Variants in CFAP52 observed in about 807,000 individuals in gnomAD.
CFAP52 encodes the protein cilia and flagella associated protein 52, also known as cilia- and flagella-associated protein 52.
In CFAP52, 57 loss-of-function variants were observed where a neutral mutation model predicts 70.5. That is an observed-to-expected ratio of 0.81 (90% CI 0.65 to 1.01). The LOEUF is 1.01. Among genes scored for constraint, CFAP52 ranks in the 50% least tolerant of loss-of-function variants. CFAP52 has a pLI of 0.00. For synonymous variants in CFAP52, 267 were observed against 292.5 expected, an observed-to-expected ratio of 0.91 and a Z score of 0.89; for missense variants, 785 against 788.5, an observed-to-expected ratio of 1.00 and a Z score of 0.05.
At chr17:9,579,724 C>T (rs756520413) in intron 1 of CFAP52, among the ~76,000 whole-genome samples, 94 of 152,268 alleles carry the variant, frequency 6.2e-4, no homozygotes, top group African/African-American at 6.5e-4. Context: ...TCCACCACCA[C>T]GCCTGGCTAA....
At chr17:9,636,672 G>C (rs926392152) in intron 11 of CFAP52, among the ~76,000 whole-genome samples, 1 of 152,134 alleles carries the variant, frequency 6.6e-6, no homozygotes, top group Non-Finnish European at 1.5e-5. Context: ...GCAAAGATGG[G>C]AGGAAGGAGG....
chr17:9,590,730 A>C (rs765313459), intron 3 of CFAP52, among the ~76,000 whole-genome samples: 3 of 152,198 alleles, frequency 2.0e-5, no homozygotes, highest in Non-Finnish European at 4.4e-5. Flanking sequence ...CAAAACTGTT[A>C]ATCTCTGCTG....
At chr17:9,609,472 A>C (rs776929151) in intron 7 of CFAP52, among the ~76,000 whole-genome samples, 14 of 152,156 alleles carry the variant, frequency 9.2e-5, no homozygotes, top group Non-Finnish European at 1.9e-4. Context: ...AGGCAAGTGG[A>C]TCGCTTGAGC....
At chr17:9,616,132 G>A (rs1400823368) in intron 8 of CFAP52, among the ~76,000 whole-genome samples, 1 of 149,832 alleles carries the variant, frequency 6.7e-6, no homozygotes, top group Non-Finnish European at 1.5e-5. Flanking sequence ...GCGCAGGCCA[G>A]TGTGTGCGCG....
In CFAP52 at chr17:9,576,654, A is replaced by C. The variant is rs1907956600; in HGVS notation, c.-42A>C. On this transcript the variant is annotated 5_prime_UTR_variant, in exon 1 of 14. Transcript: ENST00000352665. ...TACCATAACGACCAGAAGACGCTGCAGCCACTAGGGAGGAGAGCAAAGTAA... is the reference window on the plus strand; with the variant it reads ...TACCATAACGACCAGAAGACGCTGCCGCCACTAGGGAGGAGAGCAAAGTAA... 1.9e-6 allele frequency: 3 copies of C among 1,556,712 alleles called. No individual in the cohort carries two copies. Among genetic ancestry groups the C allele is most frequent in the Non-Finnish European group, 2.6e-6 (3 of 1,142,730 alleles).
At chr17:9,583,626 C>G (rs983128529) in intron 1 of CFAP52, among the ~76,000 whole-genome samples, 1 of 152,010 alleles carries the variant, frequency 6.6e-6, no homozygotes, top group African/African-American at 2.4e-5. Flanking sequence ...TTATAAAAAT[C>G]ATTTTCCCTT....
At chr17:9,583,763 G>C (rs186484782) in intron 1 of CFAP52, among the ~76,000 whole-genome samples, 2 of 152,164 alleles carry the variant, frequency 1.3e-5, no homozygotes, top group Non-Finnish European at 2.9e-5. Flanking sequence ...TCTGACCATA[G>C]GTGAGCAATA....
At chr17:9,581,015 G>C (rs1908201344) in intron 1 of CFAP52, among the ~76,000 whole-genome samples, 1 of 152,102 alleles carries the variant, frequency 6.6e-6, no homozygotes, top group Non-Finnish European at 1.5e-5. Context: ...CCATTGGTAA[G>C]AAGTTTTAAA....
In CFAP52 at chr17:9,609,990, G is replaced by GGA. The variant is rs137875006; in HGVS notation, c.854+1792_854+1793dup. Among the ~76,000 whole-genome samples, 1,461 of 148,960 alleles carry GGA rather than the reference G, an allele frequency of 9.8e-3. 16 individuals are homozygous for GGA. The highest frequency in any genetic ancestry group is 0.021 in the African/African-American group (854 of 40,716). On this transcript the variant is annotated intron_variant, in intron 7 of 13. Transcript: ENST00000352665. ...TTATAAAACCTGGAATCTGATTTCT[G>GGA]GAGAGAGAGAGAGAGAGAGAGACAG...
chr17:9,595,519 G>T (rs1004562823), intron 4 of CFAP52, among the ~76,000 whole-genome samples: 3 of 152,226 alleles, frequency 2.0e-5, no homozygotes, highest in East Asian at 3.9e-4. Context: ...CAGATTTGCA[G>T]AGTGATTTGA....
intron 4 of CFAP52, among the ~76,000 whole-genome samples, chr17:9,596,078 T>G (rs1242991594): frequency 7.2e-6 from 1 of 138,172 alleles, no homozygotes; most frequent in Non-Finnish European, 1.6e-5. Context: ...TATATATATA[T>G]ATATATATAT....
At chr17:9,642,288 A>G (rs1185329674) in intron 13 of CFAP52, among the ~76,000 whole-genome samples, 1 of 152,228 alleles carries the variant, frequency 6.6e-6, no homozygotes, top group East Asian at 1.9e-4. Flanking sequence ...TTGGAACATC[A>G]TTATCATTTC....
chr17:9,585,477 A>G lies in CFAP52; in HGVS notation c.71-296A>G, dbSNP rs560185324. 2.6e-3 allele frequency among the ~76,000 whole-genome samples: 394 copies of G among 151,836 alleles called. 1 individual carries two copies. The highest frequency in any genetic ancestry group is 0.01 in the Middle Eastern group (3 of 294). ...AGGTCAGCAGTTCAAGACCAGCCTG[A>G]CCAACATGGTGAAACCCCGTCTCTA... On this transcript the variant is annotated intron_variant, in intron 1 of 13. Coordinates refer to ENST00000352665, the MANE Select transcript of CFAP52 (RefSeq NM_145054.5).
At chr17:9,636,114 C>T (rs1910765758) in intron 11 of CFAP52, among the ~76,000 whole-genome samples, 1 of 150,988 alleles carries the variant, frequency 6.6e-6, no homozygotes, top group South Asian at 2.1e-4. Context: ...GCGGAGGTTG[C>T]AGTGAACTGA....
chr17:9,638,857 C>T, intron 12 of CFAP52, 146 bp downstream of exon 12: 1 of 697,098 alleles, frequency 1.4e-6, no homozygotes, highest in Non-Finnish European at 2.4e-6. Context: ...TTTGGAAAGG[C>T]CATATCACCT....
intron 8 of CFAP52, among the ~76,000 whole-genome samples, chr17:9,615,868 A>G (rs1030381745): frequency 7.5e-6 from 1 of 132,570 alleles, no homozygotes; most frequent in South Asian, 2.4e-4. Context: ...TTCAACTGCC[A>G]TCCTCAAGCA....
At chr17:9,635,607 T>A (rs768322615) in intron 11 of CFAP52, 51 bp downstream of exon 11, 1 of 1,610,012 alleles carries the variant, frequency 6.2e-7, no homozygotes, top group Non-Finnish European at 8.5e-7. Flanking sequence ...AATCCAATCA[T>A]GCCAACAGTT....
intron 5 of CFAP52, among the ~76,000 whole-genome samples, chr17:9,599,751 T>G (rs1168018462): frequency 1.3e-5 from 2 of 152,076 alleles, no homozygotes; most frequent in African/African-American, 2.4e-5. Context: ...CTTCTTTTTT[T>G]TTTTCCTGAG....
chr17:9,602,175 G>T (rs747511528), intron 6 of CFAP52, among the ~76,000 whole-genome samples: 2 of 151,996 alleles, frequency 1.3e-5, no homozygotes, highest in Non-Finnish European at 2.9e-5. Flanking sequence ...TGTGCAGACC[G>T]TGCAGGTTTG....
Sources: allele counts gnomAD v4.1 joint callset (sites outside exome capture counted in the v4.1 genomes callset), GRCh38; gene constraint gnomAD v4.1.1; transcripts MANE v1.5; gene names NCBI Gene and HGNC (gene_info 2026-07-23, HGNC 2026-07-21).